MED13L: variants seen among roughly 807,000 people sequenced by gnomAD.
MED13L encodes mediator complex subunit 13L.
MED13L carries 7 observed loss-of-function variants against 220.9 expected under a neutral mutation model. The ratio of observed to expected loss-of-function variants is 0.03; its 90% CI spans 0.02 to 0.06. The LOEUF (loss-of-function observed/expected upper bound fraction) is 0.06, where lower values mean the gene tolerates loss of function less well. Among genes scored for constraint, MED13L ranks in the 10% least tolerant of loss-of-function variants. The pLI, the probability that MED13L is intolerant of heterozygous loss-of-function variation, is 1.00. For missense variants in MED13L, 1,965 were observed against 2,760.5 expected (o/e 0.71, Z 6.46); for synonymous variants, 1,011 against 1,015.2 (o/e 1.00, Z 0.08).
chr12:116,239,737 C>T (rs1565944161), intron 1 of MED13L, among the ~76,000 whole-genome samples: 1 of 152,164 alleles, frequency 6.6e-6, no homozygotes, highest in Non-Finnish European at 1.5e-5. Context: ...TGAGTGCTAC[C>T]ACGTTACTGT....
At chr12:116,214,125 CT>C (rs1387144302) in intron 2 of MED13L, among the ~76,000 whole-genome samples, 6 of 152,194 alleles carry the variant, frequency 3.9e-5, no homozygotes, top group Admixed American at 3.9e-4. Flanking sequence ...AATACACTTG[CT>C]TTGCTTTCAC....
chr12:116,168,215 G>T (rs1879425584), intron 2 of MED13L, among the ~76,000 whole-genome samples: 1 of 151,490 alleles, frequency 6.6e-6, no homozygotes, highest in Non-Finnish European at 1.5e-5. Flanking sequence ...AACCCTATAT[G>T]TTACAAAGAA....
At chr12:116,233,090 GAAAAAAA>G (rs530903194) in intron 2 of MED13L, among the ~76,000 whole-genome samples, 1,093 of 82,950 alleles carry the variant, frequency 0.013, 10 homozygotes, top group African/African-American at 0.046. Flanking sequence ...CTGTCTAAAG[GAAAAAAA>G]AAAAAAAAAA....
intron 4 of MED13L, among the ~76,000 whole-genome samples, chr12:116,093,113 G>T (rs1399586058): frequency 6.6e-6 from 1 of 152,158 alleles, no homozygotes. Context: ...TCCCAAGAGA[G>T]AGAACCTGCA....
chr12:116,172,747 A>G (rs1206118037), intron 2 of MED13L, among the ~76,000 whole-genome samples: 3 of 152,086 alleles, frequency 2.0e-5, no homozygotes, highest in Non-Finnish European at 2.9e-5. Flanking sequence ...AAAATTGCAT[A>G]TTTCATAGCA....
chr12:116,018,953 A>C (rs540445254), intron 7 of MED13L, among the ~76,000 whole-genome samples: 2 of 152,184 alleles, frequency 1.3e-5, no homozygotes, highest in East Asian at 3.9e-4. Flanking sequence ...GAACACATAC[A>C]CACATACAGG....
At chr12:115,995,586 C>T (rs762100461) in intron 16 of MED13L, among the ~76,000 whole-genome samples, 2 of 152,120 alleles carry the variant, frequency 1.3e-5, no homozygotes, top group African/African-American at 2.4e-5. Context: ...TCATGCCCAA[C>T]TAAATTTTTG....
intron 23 of MED13L, among the ~76,000 whole-genome samples, chr12:115,979,730 T>C (rs1324615205): frequency 2.0e-5 from 3 of 152,266 alleles, no homozygotes; most frequent in Non-Finnish European, 4.4e-5. Context: ...AAGAGGTGTA[T>C]GCTGGCTTTT....
chr12:116,029,053 A>G (rs1880565890), intron 4 of MED13L, among the ~76,000 whole-genome samples: 2 of 152,118 alleles, frequency 1.3e-5, no homozygotes, highest in Admixed American at 1.3e-4. Flanking sequence ...CTACCAACTA[A>G]TATCAAGTAA....
At chr12:116,067,372 GAAAC>G (rs1566040525) in intron 4 of MED13L, among the ~76,000 whole-genome samples, 2 of 152,050 alleles carry the variant, frequency 1.3e-5, no homozygotes, top group African/African-American at 4.8e-5. Context: ...ATTTTCAAAG[GAAAC>G]AAACAAGAGA....
At chr12:116,026,979 A>G (rs963030473) in intron 4 of MED13L, among the ~76,000 whole-genome samples, 3 of 152,232 alleles carry the variant, frequency 2.0e-5, no homozygotes, top group African/African-American at 7.2e-5. Flanking sequence ...AACAAGGACT[A>G]TTATGAGAAA....
rs763123515 is a variant in MED13L at position 116,015,234 on chromosome 12, A to AACC, written c.1047_1049dup (p.Val350dup). The AACC allele has an allele frequency of 1.3e-5, 21 of 1,613,980 alleles. No homozygotes were observed. In the South Asian group the frequency reaches 2.2e-4, roughly 17 times the overall value. On this transcript the variant is annotated inframe_insertion, in exon 8 of 31. Transcript: ENST00000281928. Reference sequence around the variant, plus strand: ...TCGTTATCATCCCTCCATCTTGGGAAACCAGGTGACTGGCAGCACTCTGCA... The same window carrying AACC: ...TCGTTATCATCCCTCCATCTTGGGAAACCACCAGGTGACTGGCAGCACTCTGCA...
intron 4 of MED13L, among the ~76,000 whole-genome samples, chr12:116,028,431 C>T (rs1880528863): frequency 6.6e-6 from 1 of 152,106 alleles, no homozygotes; most frequent in African/African-American, 2.4e-5. Flanking sequence ...TTAAGGTCAA[C>T]CTCTTTCTGA....
chr12:115,997,909 T>C (rs1878507007), intron 14 of MED13L, among the ~76,000 whole-genome samples: 1 of 152,228 alleles, frequency 6.6e-6, no homozygotes, highest in South Asian at 2.1e-4. Flanking sequence ...TATCCCTGCT[T>C]TCAAGTATGT....
At chr12:116,031,850 T>G (rs1880870859) in intron 4 of MED13L, among the ~76,000 whole-genome samples, 1 of 151,708 alleles carries the variant, frequency 6.6e-6, no homozygotes, top group African/African-American at 2.4e-5. Flanking sequence ...GCTATCTTTA[T>G]TTGCAGATGG....
At chr12:116,144,619 T>C (rs1210387610) in intron 2 of MED13L, among the ~76,000 whole-genome samples, 1 of 152,232 alleles carries the variant, frequency 6.6e-6, no homozygotes. Context: ...GAGTACATTT[T>C]CTGAAACTCC....
chr12:116,193,423 T>C (rs1400978181), intron 2 of MED13L, among the ~76,000 whole-genome samples: 1 of 152,198 alleles, frequency 6.6e-6, no homozygotes, highest in Non-Finnish European at 1.5e-5. Context: ...GAACAAAACA[T>C]CTAAACTTTA....
At chr12:116,215,557 G>T (rs1177647546) in intron 2 of MED13L, among the ~76,000 whole-genome samples, 2 of 152,094 alleles carry the variant, frequency 1.3e-5, no homozygotes, top group African/African-American at 2.4e-5. Flanking sequence ...TGCTGGGATC[G>T]TATCTTCCTT....
intron 4 of MED13L, among the ~76,000 whole-genome samples, chr12:116,093,537 A>G (rs1268090763): frequency 6.6e-6 from 1 of 152,080 alleles, no homozygotes; most frequent in East Asian, 1.9e-4. Flanking sequence ...AAATTATAGC[A>G]CAAAAAATCA....
Sources: gnomAD v4.1 joint callset for allele counts (sites outside exome capture counted in the v4.1 genomes callset) on GRCh38, gnomAD v4.1.1 for gene constraint, MANE v1.5 for transcripts, NCBI Gene and HGNC (gene_info 2026-07-23, HGNC 2026-07-21) for gene names.